The following RNLS variants were observed in gnomAD, a reference collection of about 807,000 sequenced individuals.
The protein encoded by RNLS is renalase.
In RNLS, 39 loss-of-function variants were observed where a neutral mutation model predicts 39.8. The ratio of observed to expected loss-of-function variants is 0.98; its 90% CI spans 0.76 to 1.28. The LOEUF is 1.28. RNLS is among the 50% of genes most tolerant of loss of function. The pLI, the probability that RNLS is intolerant of heterozygous loss-of-function variation, is 0.00. For missense variants in RNLS, 410 were observed against 413.3 expected, an observed-to-expected ratio of 0.99 and a Z score of 0.07; for synonymous variants, 147 against 150.7, an observed-to-expected ratio of 0.98 and a Z score of 0.18.
At chr10:88,582,507 T>C (rs994716903) in intron 1 of RNLS, among the ~76,000 whole-genome samples, 200 bp from the exon 2 acceptor site, 1 of 152,258 alleles carries the variant, frequency 6.6e-6, no homozygotes. Context: ...TTATAGTGCA[T>C]ATATTTAGTA....
At chr10:88,227,380 T>A in the RNLS span, among the ~76,000 whole-genome samples, 1 of 152,222 alleles carries the variant, frequency 6.6e-6, no homozygotes, top group Non-Finnish European at 1.5e-5. Context: ...AAAGACATAA[T>A]AACTAAATTT....
intron 6 of RNLS, among the ~76,000 whole-genome samples, chr10:88,297,791 A>T (rs1300897150): frequency 1.3e-5 from 2 of 152,156 alleles, no homozygotes; most frequent in Non-Finnish European, 2.9e-5. Flanking sequence ...TGTTGTTGTG[A>T]ACATTTGTGT....
At chr10:88,234,039 C>T in the RNLS span, among the ~76,000 whole-genome samples, 3 of 146,866 alleles carry the variant, frequency 2.0e-5, no homozygotes, top group South Asian at 5.1e-4. Flanking sequence ...ATCTTGTGAG[C>T]GCATCCCACA....
intron 4 of RNLS, among the ~76,000 whole-genome samples, chr10:88,518,546 T>C (rs1350044851): frequency 6.6e-6 from 1 of 152,130 alleles, no homozygotes; most frequent in East Asian, 1.9e-4. Flanking sequence ...GGTTTGCTGT[T>C]CATCTCTCCC....
chr10:88,254,257 T>C, the RNLS span, among the ~76,000 whole-genome samples: 2 of 152,224 alleles, frequency 1.3e-5, no homozygotes, highest in Non-Finnish European at 2.9e-5. Flanking sequence ...ATGGTGTAAC[T>C]GTGACCCTGC....
the RNLS span, among the ~76,000 whole-genome samples, chr10:88,177,548 A>T: frequency 2.0e-5 from 3 of 152,072 alleles, no homozygotes; most frequent in Admixed American, 2.0e-4. Context: ...CCTTAAGATC[A>T]TTGTGTTTCA....
At position 88,362,643 on chromosome 10, in the gene RNLS, AC is replaced by A; in HGVS notation, c.608del (p.Gly203ValfsTer31). The A allele has an allele frequency of 6.2e-7, 1 of 1,613,952 alleles. No individual in the cohort carries two copies. Among genetic ancestry groups the A allele is most frequent in the South Asian group, 1.1e-5 (1 of 91,080 alleles). The part of the protein sequence containing the change: ...RYALGLFYEA[G>X]TKIDVPWAGQ... ...CAGCCCAAGGGACATCAATCTTCGT[AC>A]CAGCTTCATAAAAGAGGCCCAGAGC... is the stretch of plus-strand genomic sequence containing the variant. On this transcript the variant is annotated frameshift_variant, in exon 5 of 7. Coordinates refer to ENST00000331772, the MANE Select transcript of RNLS (RefSeq NM_001031709.3). LOFTEE classifies it high-confidence loss of function.
the RNLS span, among the ~76,000 whole-genome samples, chr10:88,231,598 C>T: frequency 6.6e-6 from 1 of 152,158 alleles, no homozygotes; most frequent in Admixed American, 6.5e-5. Flanking sequence ...CAGCAACCAG[C>T]CAACAGCCAT....
At chr10:88,206,231 C>A in the RNLS span, among the ~76,000 whole-genome samples, 152 of 152,316 alleles carry the variant, frequency 1.0e-3, 1 homozygote, top group African/African-American at 3.6e-3. Flanking sequence ...TGGCACTCTG[C>A]ATTTTAGTGG....
chr10:88,573,917 G>T (rs983217868), intron 3 of RNLS, among the ~76,000 whole-genome samples: 2 of 152,172 alleles, frequency 1.3e-5, no homozygotes, highest in African/African-American at 2.4e-5. Context: ...GAAGTGGGTG[G>T]ATCACTTGAG....
At chr10:88,316,972 T>C (rs969365796) in intron 5 of RNLS, among the ~76,000 whole-genome samples, 2 of 151,916 alleles carry the variant, frequency 1.3e-5, no homozygotes, top group Non-Finnish European at 2.9e-5. Flanking sequence ...AGTTTGAAAA[T>C]AGAGCAGTAT....
intron 6 of RNLS, among the ~76,000 whole-genome samples, chr10:88,278,500 T>C (rs1589447634): frequency 6.6e-6 from 1 of 152,258 alleles, no homozygotes; most frequent in East Asian, 1.9e-4. Context: ...TACATGTCAT[T>C]GGTAGGTGAT....
chr10:88,210,683 T>C, the RNLS span, among the ~76,000 whole-genome samples: 5 of 152,200 alleles, frequency 3.3e-5, no homozygotes, highest in African/African-American at 9.6e-5. Context: ...GTTAGGTAGA[T>C]TGGGGACTTG....
intron 4 of RNLS, among the ~76,000 whole-genome samples, chr10:88,470,859 C>T (rs1214595837): frequency 1.3e-5 from 2 of 152,054 alleles, no homozygotes; most frequent in African/African-American, 4.8e-5. Flanking sequence ...TGTGATCCAC[C>T]CGCCTCGGCC....
intron 4 of RNLS, among the ~76,000 whole-genome samples, chr10:88,509,310 ACTCCAT>A (rs1845960816): frequency 1.3e-5 from 2 of 152,052 alleles, no homozygotes; most frequent in Non-Finnish European, 2.9e-5. Flanking sequence ...TTGTCTGTGA[ACTCCAT>A]CTGAAAATGG....
At chr10:88,283,357 T>G (rs1027392997), downstream of RNLS, among the ~76,000 whole-genome samples, 4 of 152,130 alleles carry the variant, frequency 2.6e-5, no homozygotes, top group African/African-American at 9.7e-5. Flanking sequence ...TTAAAAGTCA[T>G]TAGTAATGGC....
At chr10:88,226,814 G>C in the RNLS span, among the ~76,000 whole-genome samples, 3 of 141,212 alleles carry the variant, frequency 2.1e-5, no homozygotes, top group Non-Finnish European at 4.5e-5. Flanking sequence ...ATATTAAAAG[G>C]GGAAAAATAC....
chr10:88,380,894 TCATC>T (rs893040535), intron 4 of RNLS, among the ~76,000 whole-genome samples: 4 of 152,212 alleles, frequency 2.6e-5, no homozygotes, highest in Non-Finnish European at 4.4e-5. Flanking sequence ...TTTATTTAAA[TCATC>T]CATTCTTTTT....
the RNLS span, among the ~76,000 whole-genome samples, chr10:88,179,048 T>C: frequency 6.6e-6 from 1 of 152,182 alleles, no homozygotes; most frequent in South Asian, 2.1e-4. Context: ...TGAGATGTCA[T>C]CTCTAAAAAA....
Sources: allele counts gnomAD v4.1 joint callset (sites outside exome capture counted in the v4.1 genomes callset), GRCh38; gene constraint gnomAD v4.1.1; transcripts MANE v1.5; gene names NCBI Gene and HGNC (gene_info 2026-07-23, HGNC 2026-07-21).